The following AHSA1 variants were observed in gnomAD, a reference collection of about 807,000 sequenced individuals.
AHSA1 encodes the protein activator of 90 kDa heat shock protein ATPase homolog 1.
A neutral mutation model predicts 46.1 loss-of-function variants in AHSA1; 14 were observed. That is an observed-to-expected ratio of 0.30 (90% CI 0.20 to 0.47). AHSA1 has a LOEUF of 0.47. Among genes scored for constraint, AHSA1 ranks in the 20% least tolerant of loss-of-function variants. AHSA1 has a pLI of 0.99. For missense variants in AHSA1, 333 were observed against 415.9 expected, an observed-to-expected ratio of 0.80 and a Z score of 1.73; for synonymous variants, 147 against 145.8, an observed-to-expected ratio of 1.01 and a Z score of -0.06.
At position 77,459,596 on chromosome 14, in the gene AHSA1, G is replaced by T. The variant is rs2079012358; in HGVS notation, c.81-20G>T. ...TCCTCCGTTTGACTGCTGGTTCATA[G>T]CTCTGTTTCTGCTTTGCAGGACGGA... On this transcript the variant is annotated intron_variant, in intron 1 of 8. Coordinates refer to ENST00000216479, the MANE Select transcript of AHSA1 (RefSeq NM_012111.3). The T allele has an allele frequency of 3.7e-6, 6 of 1,613,420 alleles. No individual in the cohort carries two copies. Among genetic ancestry groups the T allele is most frequent in the South Asian group, 3.3e-5 (3 of 91,076 alleles).
rs1061629 is a variant in AHSA1 at position 77,459,668 on chromosome 14, C to T, written c.133C>T (p.Leu45=). Residue 45 remains leucine, a synonymous_variant, in exon 2 of 9, where the codon CTG becomes TTG. Coordinates refer to ENST00000216479, the MANE Select transcript of AHSA1 (RefSeq NM_012111.3). ...WSTDKLKTLF[L]AVQVQNEEGK... ...CACGGATAAGCTGAAAACACTGTTC[C>T]TGGCAGTGCAGGTTCAAAATGAAGA... The T allele has an allele frequency of 0.51, 830,487 of 1,613,912 alleles. 224,126 individuals are homozygous for T. Among genetic ancestry groups the T allele is most frequent in the East Asian group, 0.94 (42,065 of 44,870 alleles).
At chr14:77,460,797 C>T (rs548119821) in intron 2 of AHSA1, among the ~76,000 whole-genome samples, 4 of 151,140 alleles carry the variant, frequency 2.6e-5, no homozygotes, top group Admixed American at 6.6e-5. Flanking sequence ...GTCTGGCCGA[C>T]GCTTTTTTTT....
chr14:77,465,449 G>T, intron 5 of AHSA1, 90 bp from the exon 6 acceptor site: 2 of 1,420,954 alleles, frequency 1.4e-6, no homozygotes, highest in Non-Finnish European at 9.6e-7. Flanking sequence ...ACATTTTTAT[G>T]AGAATGAATG....
rs1469359638 is a variant in AHSA1, at chr14:77,462,221, A to G, written c.333A>G (p.Glu111=). 1.2e-6 allele frequency: 2 copies of G among 1,613,806 alleles called. No homozygotes were observed. The highest frequency in any genetic ancestry group is 2.2e-5 in the East Asian group (1 of 44,886). Reference sequence around the variant, plus strand: ...TGGAGATCCCCAATTTGTCTGATGAAAACAGCGTGGATGAAGTGGAGGTTT... The same window carrying G: ...TGGAGATCCCCAATTTGTCTGATGAGAACAGCGTGGATGAAGTGGAGGTTT... ...GHVEIPNLSD[E]NSVDEVEISV... Residue 111 remains glutamate (E), a synonymous_variant, in exon 3 of 9, where the codon GAA becomes GAG. Transcript: ENST00000216479.
intron 2 of AHSA1, among the ~76,000 whole-genome samples, chr14:77,461,360 C>G (rs1246208459): frequency 6.6e-6 from 1 of 152,076 alleles, no homozygotes; most frequent in East Asian, 1.9e-4. Flanking sequence ...GAAACCCCAT[C>G]TCTACTAAAA....
intron 1 of AHSA1, among the ~76,000 whole-genome samples, chr14:77,459,220 G>A (rs536477181): frequency 1.3e-5 from 2 of 152,290 alleles, no homozygotes; most frequent in South Asian, 4.1e-4. Context: ...AGGGTTATTG[G>A]TTTAATCCTT....
chr14:77,467,978 T>A, intron 6 of AHSA1, 105 bp from the exon 7 acceptor site: 1 of 758,574 alleles, frequency 1.3e-6, no homozygotes, highest in Non-Finnish European at 2.0e-6. Flanking sequence ...CTGGTGGAAA[T>A]GAGAGTTGAG....
chr14:77,465,728 G>C, intron 6 of AHSA1, 61 bp downstream of exon 6: 1 of 1,576,302 alleles, frequency 6.3e-7, no homozygotes, highest in Non-Finnish European at 8.7e-7. Context: ...CTTGAGTTGG[G>C]GGCATATCCC....
At chr14:77,465,288 G>T (rs1188668346) in intron 5 of AHSA1, among the ~76,000 whole-genome samples, 1 of 152,150 alleles carries the variant, frequency 6.6e-6, no homozygotes, top group Non-Finnish European at 1.5e-5. Context: ...TCAATGATTT[G>T]ATTTGTTATT....
chr14:77,469,320 C>CA lies in AHSA1; in HGVS notation c.*72dup, dbSNP rs1491125045. The CA allele has an allele frequency of 1.9e-6, 3 of 1,554,792 alleles. No homozygotes were observed. The highest frequency in any genetic ancestry group is 2.7e-5 in the African/African-American group (2 of 73,718). The stretch of plus-strand genomic sequence containing the variant: ...TCTCTCCTGACTGGGGCTTGCGACT[C>CA]ACAGGATTGCATCGTCCCAGCTGCT... On this transcript the variant is annotated 3_prime_UTR_variant, in exon 9 of 9. Coordinates refer to ENST00000216479, the MANE Select transcript of AHSA1 (RefSeq NM_012111.3).
upstream of AHSA1, chr14:77,457,993 T>TTGGGACGGAAGTAACCGG: frequency 5.7e-6 from 3 of 526,190 alleles, no homozygotes; most frequent in South Asian, 8.1e-5. Flanking sequence ...GTGCGGCGAG[T>TTGGGACGGAAGTAACCGG]TGGGACGGAA....
In AHSA1 at chr14:77,468,049, CTCTTTT is replaced by C. The variant is rs1248209568; in HGVS notation, c.691-32_691-27del. Reference sequence around the variant, plus strand: ...CCACTGAAAGCCATGTATCTTCTGCCTCTTTTTTTTTTTTTTTTTTTTTTTCCCTGC... The same window carrying C: ...CCACTGAAAGCCATGTATCTTCTGCCTTTTTTTTTTTTTTTTTTTCCCTGC... On this transcript the variant is annotated intron_variant, in intron 6 of 8. Transcript: ENST00000216479. 1.9e-3 allele frequency: 1,352 copies of C among 719,728 alleles called. 1 individual carries two copies. Among genetic ancestry groups the C allele is most frequent in the East Asian group, 8.4e-3 (170 of 20,262 alleles). 44.6% of individuals were successfully genotyped at this position (719,728 alleles called of 1,614,324 possible). A position where few individuals can be genotyped will look rare whatever the true frequency, so the allele number is the denominator to read the frequency against.
chr14:77,459,401 A>G (rs115645268), intron 1 of AHSA1, among the ~76,000 whole-genome samples: 1,659 of 152,226 alleles, frequency 0.011, 28 homozygotes, highest in African/African-American at 0.038. Flanking sequence ...TTGAGTTTAT[A>G]CCATTTTCTA....
At chr14:77,463,726 G>T (rs2079036275) in intron 4 of AHSA1, among the ~76,000 whole-genome samples, 1 of 152,172 alleles carries the variant, frequency 6.6e-6, no homozygotes, top group Admixed American at 6.6e-5. Context: ...ACTCTCCAGG[G>T]ATATTTAGAT....
intron 1 of AHSA1, 134 bp downstream of exon 1, chr14:77,458,403 T>G (rs927778277): frequency 4.7e-6 from 4 of 858,926 alleles, no homozygotes; most frequent in African/African-American, 1.8e-5. Context: ...GTCCTTCCTG[T>G]GGCAGGGGTC....
chr14:77,468,342 C>T (rs1448618155), intron 7 of AHSA1, 115 bp from the exon 8 acceptor site: 2 of 1,210,528 alleles, frequency 1.7e-6, no homozygotes, highest in East Asian at 2.4e-5. Flanking sequence ...AACTGTCTTG[C>T]AAGTAATATA....
intron 7 of AHSA1, 94 bp downstream of exon 7, chr14:77,468,278 T>C (rs1306478781): frequency 1.8e-6 from 2 of 1,109,360 alleles, no homozygotes; most frequent in East Asian, 2.6e-5. Flanking sequence ...AATGTAAGGC[T>C]TTAATCTCTT....
rs566870475 is a variant in AHSA1, at chr14:77,460,882, G to A, written c.271+1076G>A. Among the ~76,000 whole-genome samples the A allele has an allele frequency of 9.2e-5, 14 of 152,038 alleles. 1 individual carries two copies. The East Asian group carries it at 1.7e-3, about 19-fold the overall frequency. On this transcript the variant is annotated intron_variant, in intron 2 of 8. Coordinates refer to ENST00000216479, the MANE Select transcript of AHSA1 (RefSeq NM_012111.3). ...GGTAAGAAATAGATAAATATAGGCCGGGCGTGGTGGCTAACGCCTGTAATC... is the reference window on the plus strand; with the variant it reads ...GGTAAGAAATAGATAAATATAGGCCAGGCGTGGTGGCTAACGCCTGTAATC...
In AHSA1 at chr14:77,463,585, C is replaced by CAAA. The variant is rs565353457; in HGVS notation, c.472+838_472+840dup. Among the ~76,000 whole-genome samples, 585 of 75,052 alleles carry CAAA rather than the reference C, an allele frequency of 7.8e-3. 5 individuals are homozygous for CAAA. The highest frequency in any genetic ancestry group is 0.043 in the Middle Eastern group (7 of 162). 49.2% of individuals were successfully genotyped at this position (75,052 alleles called of 152,430 possible). ...TGGGTGACAGAGGGAGACTCCATCT[C>CAAA]AAAAAAAAAAAAAACAAAAAAAAAA... On this transcript the variant is annotated intron_variant, in intron 4 of 8. Coordinates refer to ENST00000216479, the MANE Select transcript of AHSA1 (RefSeq NM_012111.3).
Sources: gnomAD v4.1 joint callset for allele counts (sites outside exome capture counted in the v4.1 genomes callset) on GRCh38, gnomAD v4.1.1 for gene constraint, MANE v1.5 for transcripts, NCBI Gene and HGNC (gene_info 2026-07-23, HGNC 2026-07-21) for gene names.